Variants in TCF4 observed in about 807,000 individuals in gnomAD.
The protein encoded by TCF4 is transcription factor 4.
In TCF4, 3 loss-of-function variants were observed where a neutral mutation model predicts 82.1. The ratio of observed to expected loss-of-function variants is 0.04; its 90% CI spans 0.02 to 0.09. The LOEUF is 0.09. Among genes scored for constraint, TCF4 ranks in the 10% least tolerant of loss-of-function variants. TCF4 has a pLI of 1.00. For synonymous variants in TCF4, 276 were observed against 309.6 expected, an observed-to-expected ratio of 0.89 and a Z score of 1.14; for missense variants, 518 against 852.7, an observed-to-expected ratio of 0.61 and a Z score of 4.89.
At chr18:55,528,936 G>A (rs986559881) in intron 3 of TCF4, among the ~76,000 whole-genome samples, 11 of 152,038 alleles carry the variant, frequency 7.2e-5, no homozygotes, top group African/African-American at 2.4e-4. Context: ...CCAGTACTTC[G>A]GGAGGCCAAG....
intron 3 of TCF4, among the ~76,000 whole-genome samples, chr18:55,505,563 G>A (rs2096746410): frequency 6.6e-6 from 1 of 151,976 alleles, no homozygotes; most frequent in Non-Finnish European, 1.5e-5. Context: ...CCAGCACTTT[G>A]GAAGGCCGAG....
chr18:55,403,753 T>C, intron 5 of TCF4: 1 of 1,535,400 alleles, frequency 6.5e-7, no homozygotes, highest in African/African-American at 1.4e-5. Context: ...TTCCAAAAAC[T>C]GTCATTCCAA....
intron 8 of TCF4, among the ~76,000 whole-genome samples, chr18:55,288,773 T>C (rs1227885334): frequency 1.3e-5 from 2 of 152,216 alleles, no homozygotes; most frequent in African/African-American, 4.8e-5. Context: ...CAGGTATTAA[T>C]ACACTTGTTT....
intron 8 of TCF4, among the ~76,000 whole-genome samples, chr18:55,291,264 G>A (rs1485913883): frequency 6.6e-6 from 1 of 152,126 alleles, no homozygotes; most frequent in East Asian, 1.9e-4. Flanking sequence ...ACAGTCTAAG[G>A]AATCTGGTGG....
intron 3 of TCF4, among the ~76,000 whole-genome samples, chr18:55,513,828 A>C (rs557320819): frequency 6.6e-6 from 1 of 152,288 alleles, no homozygotes; most frequent in South Asian, 2.1e-4. Flanking sequence ...TCTCTGTGTT[A>C]CAATCCCAAA....
At chr18:55,435,145 T>C (rs2095302186) in intron 5 of TCF4, among the ~76,000 whole-genome samples, 1 of 152,194 alleles carries the variant, frequency 6.6e-6, no homozygotes, top group Admixed American at 6.5e-5. Flanking sequence ...TGCACTAAAC[T>C]GTAGCACCTT....
chr18:55,376,315 C>T (rs900555087), intron 6 of TCF4, among the ~76,000 whole-genome samples: 12 of 151,914 alleles, frequency 7.9e-5, no homozygotes, highest in African/African-American at 2.9e-4. Flanking sequence ...TGTAAGCCAC[C>T]GTGCCCGGAC....
chr18:55,283,267 T>G lies in TCF4; in HGVS notation c.550-3611A>C, dbSNP rs545960199. Among the ~76,000 whole-genome samples the G allele has an allele frequency of 2.7e-3, 407 of 152,178 alleles. 1 individual carries two copies. The highest frequency in any genetic ancestry group is 4.8e-3 in the Non-Finnish European group (325 of 67,982). On this transcript the variant is annotated intron_variant, in intron 8 of 19. Coordinates refer to ENST00000354452, the MANE Select transcript of TCF4 (RefSeq NM_001083962.2). The stretch of plus-strand genomic sequence containing the variant: ...TCCATTCAATGTTTCCAACTATTAT[T>G]TCTGCACTCATCAAAGAAAAAAAAA...
In TCF4 at chr18:55,539,620, T is replaced by C. The variant is rs540672358; in HGVS notation, c.145+45660A>G. Among the ~76,000 whole-genome samples, 194 of 152,124 alleles carry C rather than the reference T, an allele frequency of 1.3e-3. 1 individual carries two copies. The highest frequency in any genetic ancestry group is 1.8e-3 in the Non-Finnish European group (122 of 67,980). On this transcript the variant is annotated intron_variant, in intron 3 of 19. Transcript: ENST00000354452. ...AAAATTAGAAACACACACAAACTTATCCACTGTGGACAAGTCAGTAGACAC... is the reference window on the plus strand; with the variant it reads ...AAAATTAGAAACACACACAAACTTACCCACTGTGGACAAGTCAGTAGACAC...
intron 6 of TCF4, among the ~76,000 whole-genome samples, chr18:55,364,395 C>T (rs2086280377): frequency 6.6e-6 from 1 of 152,140 alleles, no homozygotes. Flanking sequence ...TAGCACATGA[C>T]CTGTTTTTCT....
At chr18:55,253,060 T>C (rs1489964269) in intron 15 of TCF4, among the ~76,000 whole-genome samples, 1 of 152,210 alleles carries the variant, frequency 6.6e-6, no homozygotes, top group African/African-American at 2.4e-5. Context: ...GAAAAAAAGA[T>C]TTCTCTTTGG....
At chr18:55,631,258 C>T in intron 2 of TCF4, 1 of 906,364 alleles carries the variant, frequency 1.1e-6, no homozygotes, top group Non-Finnish European at 1.7e-6. Context: ...TCATGTTGGC[C>T]AGGCTGTCTT....
intron 8 of TCF4, among the ~76,000 whole-genome samples, chr18:55,301,414 G>A (rs932032690): frequency 7.9e-5 from 12 of 152,160 alleles, no homozygotes; most frequent in African/African-American, 2.7e-4. Context: ...GGATTTAGAA[G>A]TCACAACAGA....
intron 8 of TCF4, among the ~76,000 whole-genome samples, chr18:55,301,767 G>C (rs2068351678): frequency 8.6e-6 from 1 of 116,702 alleles, no homozygotes. Context: ...CAGTAATCTA[G>C]TGAGCTAACA....
chr18:55,421,656 CT>C (rs2094762697), intron 5 of TCF4, among the ~76,000 whole-genome samples: 1 of 152,116 alleles, frequency 6.6e-6, no homozygotes, highest in Non-Finnish European at 1.5e-5. Context: ...TTATACAAAC[CT>C]TTTATTAAAA....
At chr18:55,599,281 T>G (rs747156286) in intron 2 of TCF4, among the ~76,000 whole-genome samples, 21 of 152,232 alleles carry the variant, frequency 1.4e-4, no homozygotes, top group Admixed American at 3.9e-4. Flanking sequence ...TCTTGCAGTT[T>G]CCCTGTGCAG....
At chr18:55,593,498 G>A (rs897482827), upstream of TCF4, among the ~76,000 whole-genome samples, 6 of 151,908 alleles carry the variant, frequency 3.9e-5, no homozygotes, top group Non-Finnish European at 2.9e-5. Flanking sequence ...AACATTATAT[G>A]TTGAAGGGTA....
chr18:55,526,269 A>G (rs953293601), intron 3 of TCF4, among the ~76,000 whole-genome samples: 12 of 152,288 alleles, frequency 7.9e-5, no homozygotes, highest in Non-Finnish European at 1.3e-4. Context: ...CACCCTTCAC[A>G]CATTCAGAAA....
At chr18:55,495,778 T>C (rs1423300490) in intron 3 of TCF4, 1 of 152,186 alleles carries the variant, frequency 6.6e-6, no homozygotes, top group Non-Finnish European at 1.5e-5. Context: ...GCAATTCCTT[T>C]AACAGCAATA....
Sources: allele counts gnomAD v4.1 joint callset (sites outside exome capture counted in the v4.1 genomes callset), GRCh38; gene constraint gnomAD v4.1.1; transcripts MANE v1.5; gene names NCBI Gene and HGNC (gene_info 2026-07-23, HGNC 2026-07-21).